The following FGF7 variants were observed in gnomAD, a reference collection of about 807,000 sequenced individuals.
The protein encoded by FGF7 is FGF-7.
Under a neutral mutation model 20.5 loss-of-function variants are expected in FGF7, and 6 were observed. The observed-to-expected ratio is 0.29, with a 90% CI of 0.16 to 0.58. FGF7 has a LOEUF of 0.58. Ranked by LOEUF, FGF7 falls within the 20% of genes least tolerant of loss-of-function variation. The probability of loss-of-function intolerance (pLI) is 0.90; values close to 1 mark genes in which losing one functional copy is unlikely to be tolerated. For synonymous variants in FGF7, 64 were observed against 74.7 expected (o/e 0.86, Z 0.74); for missense variants, 144 against 228.8 (o/e 0.63, Z 2.39).
chr15:49,479,523 A>C (rs1413971309), intron 2 of FGF7, among the ~76,000 whole-genome samples: 1 of 150,850 alleles, frequency 6.6e-6, no homozygotes, highest in East Asian at 1.9e-4. Context: ...TGCATATTAC[A>C]TATTTTTCTA....
intron 2 of FGF7, among the ~76,000 whole-genome samples, chr15:49,462,564 C>G (rs2053900305): frequency 6.6e-6 from 1 of 152,190 alleles, no homozygotes; most frequent in African/African-American, 2.4e-5. Flanking sequence ...TGTGCATGAT[C>G]CACTTTCGTT....
chr15:49,467,874 T>G (rs548979337), intron 2 of FGF7, among the ~76,000 whole-genome samples: 1 of 152,116 alleles, frequency 6.6e-6, no homozygotes, highest in Non-Finnish European at 1.5e-5. Context: ...GATCAGTAAA[T>G]TGGTATAGAA....
rs966626567 is a variant in FGF7 at position 49,487,534 on chromosome 15, T to C, written c.*3030T>C. On this transcript the variant is annotated 3_prime_UTR_variant, in exon 4 of 4. Coordinates refer to ENST00000267843, the MANE Select transcript of FGF7 (RefSeq NM_002009.4). ...GCTGGAGGTAAATTCTTAGGGTTTC[T>C]ATCTCATAGAGTTTGCTCTTCTGGT... 1 of 151,938 alleles carries C rather than the reference T, an allele frequency of 6.6e-6. No individual in the cohort carries two copies. The highest frequency in any genetic ancestry group is 6.6e-5 in the Admixed American group (1 of 15,228). The allele number at this position is 151,938 out of a possible 1,614,324, so 9.4% of individuals were successfully genotyped here. A position where few individuals can be genotyped will look rare whatever the true frequency, so the allele number is the denominator to read the frequency against.
chr15:49,424,316 A>G lies in FGF7; in HGVS notation c.19A>G (p.Thr7Ala), dbSNP rs1480414288. 5.0e-6 allele frequency: 8 copies of G among 1,613,362 alleles called. No homozygotes were observed. Among genetic ancestry groups the G allele is most frequent in the Non-Finnish European group, 6.8e-6 (8 of 1,179,574 alleles). Residue 7 changes from threonine to alanine, a missense_variant, in exon 2 of 4, where the codon ACA (threonine) becomes GCA (alanine). By Grantham distance (58) the Thr-to-Ala change is moderately conservative (BLOSUM62 0). Transcript: ENST00000267843. ...CACTATAATGCACAAATGGATACTG[A>G]CATGGATCCTGCCAACTTTGCTCTA... MHKWIL[T>A]WILPTLLYRS...
chr15:49,452,836 C>T (rs896457479), intron 2 of FGF7, among the ~76,000 whole-genome samples: 3 of 151,986 alleles, frequency 2.0e-5, no homozygotes, highest in Non-Finnish European at 2.9e-5. Flanking sequence ...ACTCAGCAAA[C>T]GTTAGCTGTT....
At chr15:49,476,613 CAT>C (rs1567352566) in intron 2 of FGF7, among the ~76,000 whole-genome samples, 1 of 149,690 alleles carries the variant, frequency 6.7e-6, no homozygotes, top group Non-Finnish European at 1.5e-5. Flanking sequence ...TAATAAATCA[CAT>C]ATGTTCTATA....
chr15:49,488,728 G>GT lies in FGF7; in HGVS notation c.*4226dup, dbSNP rs1398713122. 3 of 151,974 alleles carry GT rather than the reference G, an allele frequency of 2.0e-5. No individual in the cohort carries two copies. 9.4% of individuals were successfully genotyped at this position (151,974 alleles called of 1,614,324 possible). On this transcript the variant is annotated 3_prime_UTR_variant, in exon 4 of 4. Coordinates refer to ENST00000267843, the MANE Select transcript of FGF7 (RefSeq NM_002009.4). Reference sequence around the variant, plus strand: ...TCTTGATGAATCCTTCCATGTGTTAGTTATCTATTGCTGTGTAACAAATTA... The same window carrying GT: ...TCTTGATGAATCCTTCCATGTGTTAGTTTATCTATTGCTGTGTAACAAATTA...
chr15:49,430,859 T>C (rs1447904969), intron 2 of FGF7, among the ~76,000 whole-genome samples: 1 of 151,862 alleles, frequency 6.6e-6, no homozygotes, highest in African/African-American at 2.4e-5. Context: ...AATTTCAACA[T>C]GAGTTTTGGA....
intron 2 of FGF7, among the ~76,000 whole-genome samples, chr15:49,452,782 A>G (rs1056838426): frequency 1.3e-5 from 2 of 152,132 alleles, no homozygotes; most frequent in African/African-American, 4.8e-5. Flanking sequence ...AATAATGAAT[A>G]CTGTATATGT....
Position 49,477,263 on chromosome 15 carries a change from A to T in FGF7, c.287-5888A>T, listed in dbSNP as rs1450977560. ...CTATGAGTTCTGACAAATGTATATC[A>T]TGTATCCACTATTACAGTATTACGC... On this transcript the variant is annotated intron_variant, in intron 2 of 3. Coordinates refer to ENST00000267843, the MANE Select transcript of FGF7 (RefSeq NM_002009.4). Among the ~76,000 whole-genome samples, 5 of 152,168 alleles carry T rather than the reference A, an allele frequency of 3.3e-5. No homozygotes were observed. The East Asian group carries it at 9.6e-4, about 29-fold the overall frequency.
intron 2 of FGF7, among the ~76,000 whole-genome samples, chr15:49,471,489 A>C (rs1192754690): frequency 4.4e-5 from 3 of 68,578 alleles, no homozygotes; most frequent in Admixed American, 2.7e-4. Context: ...TCTCAAAATA[A>C]TAATAATAAT....
At chr15:49,466,843 C>T (rs902389043) in intron 2 of FGF7, among the ~76,000 whole-genome samples, 10 of 152,170 alleles carry the variant, frequency 6.6e-5, no homozygotes, top group African/African-American at 2.2e-4. Context: ...TTTATTTCTG[C>T]CTCTTTTTCC....
chr15:49,479,263 T>C (rs1567358342), intron 2 of FGF7, among the ~76,000 whole-genome samples: 1 of 152,332 alleles, frequency 6.6e-6, no homozygotes, highest in South Asian at 2.1e-4. Flanking sequence ...CTTTTATTTA[T>C]ATTTTTGAAC....
chr15:49,488,494 A>G lies in FGF7; in HGVS notation c.*3990A>G, dbSNP rs2056595650. 1 of 151,878 alleles carries G rather than the reference A, an allele frequency of 6.6e-6. No individual in the cohort carries two copies. The highest frequency in any genetic ancestry group is 2.1e-4 in the South Asian group (1 of 4,822). The allele number at this position is 151,878 out of a possible 1,614,324, so 9.4% of individuals were successfully genotyped here. A position where few individuals can be genotyped will look rare whatever the true frequency, so the allele number is the denominator to read the frequency against. ...TAACATCTGATTTCTCCATTCTCAA[A>G]CTACACTTCTCAAGGAACCAGATAT... is the stretch of plus-strand genomic sequence containing the variant. On this transcript the variant is annotated 3_prime_UTR_variant, in exon 4 of 4. Transcript: ENST00000267843.
chr15:49,460,168 G>C (rs901386222), intron 2 of FGF7, among the ~76,000 whole-genome samples: 7 of 152,066 alleles, frequency 4.6e-5, no homozygotes, highest in African/African-American at 1.7e-4. Flanking sequence ...AGGAAGAAAA[G>C]TGATACTATT....
chr15:49,441,441 C>T (rs545460530), intron 2 of FGF7, among the ~76,000 whole-genome samples: 1 of 151,720 alleles, frequency 6.6e-6, no homozygotes. Context: ...ATTAGAGAGA[C>T]ATTAAATGCT....
rs543323876 is a variant in FGF7, at chr15:49,436,817, G to A, written c.286+12234G>A. On this transcript the variant is annotated intron_variant, in intron 2 of 3. Transcript: ENST00000267843. ...CTGTCACTGGTGTTATTAAAACATC[G>A]CATATTACTTTGTATCAAGCAGTGG... is the stretch of plus-strand genomic sequence containing the variant. 6.6e-5 allele frequency among the ~76,000 whole-genome samples: 10 copies of A among 151,580 alleles called. No homozygotes were observed. The South Asian group carries it at 1.2e-3, about 19-fold the overall frequency.
intron 2 of FGF7, among the ~76,000 whole-genome samples, chr15:49,438,977 T>G (rs1037152083): frequency 2.0e-5 from 3 of 151,590 alleles, no homozygotes; most frequent in Non-Finnish European, 4.4e-5. Flanking sequence ...AAAACAGTAT[T>G]TATTATCTTG....
At position 49,424,586 on chromosome 15, in the gene FGF7, A is replaced by G. The variant is rs375963598; in HGVS notation, c.286+3A>G. 1.7e-5 allele frequency: 27 copies of G among 1,555,424 alleles called. No homozygotes were observed. In the African/African-American group the frequency reaches 3.0e-4, roughly 17 times the overall value. ...CCAAGAGATGAAGAATAATTACAGT[A>G]AGTAATTTTAAGTACTGCTCATGAA... On this transcript the variant is annotated splice_donor_region_variant and intron_variant, in intron 2 of 3. Transcript: ENST00000267843.
Sources: gnomAD v4.1 joint callset for allele counts (sites outside exome capture counted in the v4.1 genomes callset) on GRCh38, gnomAD v4.1.1 for gene constraint, MANE v1.5 for transcripts, NCBI Gene and HGNC (gene_info 2026-07-23, HGNC 2026-07-21) for gene names.